The following UBE3C variants were observed in gnomAD, a reference collection of about 807,000 sequenced individuals.
UBE3C encodes ubiquitin-protein ligase E3C.
In UBE3C, 42 loss-of-function variants were observed where a neutral mutation model predicts 129.4. The ratio of observed to expected loss-of-function variants is 0.32; its 90% CI spans 0.25 to 0.42. UBE3C has a LOEUF of 0.42. UBE3C is among the 10% of genes least tolerant of loss of function. UBE3C has a pLI of 1.00. For synonymous variants in UBE3C, 510 were observed against 492.4 expected, an observed-to-expected ratio of 1.04 and a Z score of -0.47; for missense variants, 1,049 against 1,319.1, an observed-to-expected ratio of 0.80 and a Z score of 3.17.
intron 11 of UBE3C, among the ~76,000 whole-genome samples, chr7:157,204,472 CA>C (rs919508771): frequency 2.0e-5 from 3 of 151,400 alleles, no homozygotes; most frequent in African/African-American, 7.3e-5. Context: ...CTGGAGACTG[CA>C]ACCTCACAAG....
At chr7:157,158,050 C>CTTTTTTTT (rs60257662) in intron 1 of UBE3C, among the ~76,000 whole-genome samples, 3 of 101,116 alleles carry the variant, frequency 3.0e-5, no homozygotes, top group African/African-American at 4.1e-5. Flanking sequence ...CTCTTTTTTC[C>CTTTTTTTT]TTTTTTTTTT....
chr7:157,253,878 A>G, intron 19 of UBE3C, 76 bp from the exon 20 acceptor site: 1 of 1,392,240 alleles, frequency 7.2e-7, no homozygotes, highest in Non-Finnish European at 9.7e-7. Flanking sequence ...TCCTTAAAAC[A>G]TTTGTTTCTT....
chr7:157,191,651 G>A (rs969602563), intron 10 of UBE3C, among the ~76,000 whole-genome samples: 2 of 152,182 alleles, frequency 1.3e-5, no homozygotes, highest in Non-Finnish European at 2.9e-5. Flanking sequence ...GAACTGTGGT[G>A]TATGTGGTGG....
intron 10 of UBE3C, among the ~76,000 whole-genome samples, chr7:157,187,631 A>G (rs1012378767): frequency 1.3e-5 from 2 of 150,828 alleles, no homozygotes; most frequent in African/African-American, 4.9e-5. Context: ...GCTGGAGTGC[A>G]GTGGCGCGAT....
chr7:157,202,751 A>G (rs1022392189), intron 11 of UBE3C, among the ~76,000 whole-genome samples: 19 of 152,244 alleles, frequency 1.2e-4, no homozygotes, highest in African/African-American at 4.6e-4. Flanking sequence ...TAAACTTACA[A>G]GATGCAACTG....
At chr7:157,190,055 T>C (rs563606188) in intron 10 of UBE3C, among the ~76,000 whole-genome samples, 1 of 152,294 alleles carries the variant, frequency 6.6e-6, no homozygotes, top group Non-Finnish European at 1.5e-5. Context: ...CCGCCTCAGC[T>C]TTCCAAAGTG....
intron 6 of UBE3C, among the ~76,000 whole-genome samples, chr7:157,179,882 G>A (rs1808623703): frequency 6.6e-6 from 1 of 152,158 alleles, no homozygotes; most frequent in South Asian, 2.1e-4. Context: ...AAAACTTAGG[G>A]AAACAGTATT....
At chr7:157,255,228 T>C (rs1272894843) in intron 21 of UBE3C, among the ~76,000 whole-genome samples, 1 of 152,150 alleles carries the variant, frequency 6.6e-6, no homozygotes, top group Non-Finnish European at 1.5e-5. Context: ...ACAATAACGA[T>C]GTTCAGCATC....
At chr7:157,215,718 TG>T (rs1795546467) in intron 13 of UBE3C, among the ~76,000 whole-genome samples, 1 of 152,060 alleles carries the variant, frequency 6.6e-6, no homozygotes, top group Non-Finnish European at 1.5e-5. Flanking sequence ...TCTTGAGCTC[TG>T]TAGTAGTTAT....
At chr7:157,164,678 T>C (rs942274678) in intron 2 of UBE3C, 12 of 344,324 alleles carry the variant, frequency 3.5e-5, no homozygotes, top group Non-Finnish European at 6.8e-5. Context: ...TGTTTTGTTA[T>C]TTTAACAATT....
intron 1 of UBE3C, among the ~76,000 whole-genome samples, chr7:157,144,817 A>C (rs1807561127): frequency 2.6e-5 from 4 of 152,202 alleles, no homozygotes; most frequent in African/African-American, 9.6e-5. Context: ...ATTAATGTGG[A>C]TCATCAGTTA....
chr7:157,197,056 T>C (rs1439672903), intron 10 of UBE3C, among the ~76,000 whole-genome samples: 2 of 152,240 alleles, frequency 1.3e-5, no homozygotes, highest in Non-Finnish European at 2.9e-5. Context: ...AACTGTCGTT[T>C]CTGATACTAG....
Position 157,216,856 on chromosome 7 carries a change from T to G in UBE3C, c.1810-11T>G, listed in dbSNP as rs1795592874. 6.2e-7 allele frequency: 1 copy of G among 1,610,744 alleles called. No individual in the cohort carries two copies. The highest frequency in any genetic ancestry group is 8.5e-7 in the Non-Finnish European group (1 of 1,177,226). On this transcript the variant is annotated splice_polypyrimidine_tract_variant and intron_variant, in intron 13 of 22. Transcript: ENST00000348165. ...TCACGTGTGTGACGCGGATATGTTC[T>G]TTCTTTTCAGGTTATCACCAATCTA...
intron 14 of UBE3C, among the ~76,000 whole-genome samples, chr7:157,219,019 T>C (rs940693061): frequency 6.6e-6 from 1 of 152,356 alleles, no homozygotes; most frequent in African/African-American, 2.4e-5. Flanking sequence ...TAGTGTGTGA[T>C]CTTTTGCATA....
At chr7:157,143,936 C>G (rs1447864689) in intron 1 of UBE3C, among the ~76,000 whole-genome samples, 2 of 152,094 alleles carry the variant, frequency 1.3e-5, no homozygotes, top group African/African-American at 2.4e-5. Context: ...AGTCACACCT[C>G]CGGGAGTGGA....
chr7:157,146,197 C>G (rs1214239220), intron 1 of UBE3C, among the ~76,000 whole-genome samples: 2 of 151,678 alleles, frequency 1.3e-5, no homozygotes, highest in Non-Finnish European at 2.9e-5. Flanking sequence ...GAATGCCTGC[C>G]TTTGCTCCTT....
intron 9 of UBE3C, among the ~76,000 whole-genome samples, chr7:157,186,226 C>G (rs1192307299): frequency 6.6e-6 from 1 of 152,018 alleles, no homozygotes; most frequent in African/African-American, 2.4e-5. Flanking sequence ...GAGTTCGAGA[C>G]CAGCCTGACC....
chr7:157,182,897 C>T (rs1424722970), intron 8 of UBE3C, among the ~76,000 whole-genome samples: 1 of 151,950 alleles, frequency 6.6e-6, no homozygotes, highest in Non-Finnish European at 1.5e-5. Context: ...TACAGGTGCA[C>T]GCCACCACAC....
At chr7:157,175,215 A>G (rs1808487558) in intron 5 of UBE3C, among the ~76,000 whole-genome samples, 181 bp downstream of exon 5, 1 of 139,270 alleles carries the variant, frequency 7.2e-6, no homozygotes, top group Non-Finnish European at 1.5e-5. Context: ...TCAGGCCGGC[A>G]TGAGGTATAA....
Sources: allele counts gnomAD v4.1 joint callset (sites outside exome capture counted in the v4.1 genomes callset), GRCh38; gene constraint gnomAD v4.1.1; transcripts MANE v1.5; gene names NCBI Gene and HGNC (gene_info 2026-07-23, HGNC 2026-07-21).